The following ABCA13 variants were observed in gnomAD, a reference collection of about 807,000 sequenced individuals.
ABCA13 encodes ATP-binding cassette sub-family A member 13.
ABCA13 carries 476 observed loss-of-function variants against 478.7 expected under a neutral mutation model. The observed-to-expected ratio is 0.99, with a 90% confidence interval of 0.92 to 1.07. ABCA13 has a LOEUF of 1.07. ABCA13 is among the 50% of genes least tolerant of loss of function. The pLI is 0.00. For missense variants in ABCA13, 6,060 were observed against 5,910.6 expected (o/e 1.03, Z -0.83); for synonymous variants, 2,252 against 2,158.9 (o/e 1.04, Z -1.20).
rs183356080 is a variant in ABCA13 at position 48,274,931 on chromosome 7, G to A, written c.5265G>A (p.Arg1755=). The A allele has an allele frequency of 8.7e-6, 14 of 1,613,678 alleles. No homozygotes were observed. Among genetic ancestry groups the A allele is most frequent in the Non-Finnish European group, 1.2e-5 (14 of 1,179,760 alleles). Residue 1755 remains arginine, a synonymous_variant, in exon 17 of 62, where the codon AGG becomes AGA. Transcript: ENST00000435803. Reference sequence around the variant, plus strand: ...ACTATGTGCTTCCTCATGCTGTAAGGCTCCTGCAGGGAGTACCTGGTAAAA... The same window carrying A: ...ACTATGTGCTTCCTCATGCTGTAAGACTCCTGCAGGGAGTACCTGGTAAAA... ...DVYYVLPHAV[R]LLQGVPGKNI...
intron 47 of ABCA13, 140 bp downstream of exon 47, chr7:48,483,303 T>C: frequency 1.4e-6 from 1 of 698,542 alleles, no homozygotes; most frequent in South Asian, 2.4e-5. Flanking sequence ...GAAAATTATA[T>C]GTAAACATTG....
chr7:48,273,596 A>C lies in ABCA13; in HGVS notation c.3930A>C (p.Ser1310=), dbSNP rs1233071618. ...TAGATTCAATAAATGACTTTCTTTC[A>C]AATAATCTCACAAATTATGGAGAAA... ...RNLDSINDFL[S]NNLTNYGEKF... is the part of the protein sequence containing the mutation. Residue 1310 remains serine, a synonymous_variant, in exon 17 of 62, where the codon TCA becomes TCC. Transcript: ENST00000435803. 5.0e-6 allele frequency: 8 copies of C among 1,592,372 alleles called. No individual in the cohort carries two copies. The South Asian group carries it at 9.0e-5, about 18-fold the overall frequency.
At chr7:48,594,490 C>G (rs1790080367) in intron 57 of ABCA13, among the ~76,000 whole-genome samples, 1 of 151,956 alleles carries the variant, frequency 6.6e-6, no homozygotes, top group Non-Finnish European at 1.5e-5. Flanking sequence ...GGGTAGCATG[C>G]TGCATGGCTG....
At chr7:48,476,469 A>G (rs1047270875) in intron 45 of ABCA13, among the ~76,000 whole-genome samples, 3 of 151,856 alleles carry the variant, frequency 2.0e-5, no homozygotes, top group Non-Finnish European at 4.4e-5. Context: ...TGGAGGGAAC[A>G]CAGGGTTTTT....
intron 59 of ABCA13, among the ~76,000 whole-genome samples, chr7:48,628,743 A>G (rs1793894105): frequency 6.6e-6 from 1 of 152,218 alleles, no homozygotes; most frequent in Non-Finnish European, 1.5e-5. Flanking sequence ...ACCATTTGAA[A>G]TAGTGCCAGG....
intron 44 of ABCA13, among the ~76,000 whole-genome samples, chr7:48,470,536 C>CT (rs929774422): frequency 2.6e-5 from 4 of 152,302 alleles, no homozygotes; most frequent in South Asian, 4.1e-4. Flanking sequence ...CATGTAAACT[C>CT]TTAAGTTTCA....
At chr7:48,235,632 C>A (rs1251591001) in intron 8 of ABCA13, among the ~76,000 whole-genome samples, 3 of 152,164 alleles carry the variant, frequency 2.0e-5, no homozygotes, top group Non-Finnish European at 2.9e-5. Context: ...AAGGTGTCTG[C>A]AGGGCTGCAA....
chr7:48,613,004 T>C (rs1264007708), intron 58 of ABCA13, among the ~76,000 whole-genome samples: 2 of 152,182 alleles, frequency 1.3e-5, no homozygotes, highest in Non-Finnish European at 2.9e-5. Context: ...CAATTTGATT[T>C]AATGGTTTAT....
intron 23 of ABCA13, among the ~76,000 whole-genome samples, chr7:48,306,204 C>T (rs1034039549): frequency 6.6e-6 from 1 of 152,194 alleles, no homozygotes; most frequent in African/African-American, 2.4e-5. Flanking sequence ...TTCCACATGA[C>T]AGGGTGTGGG....
chr7:48,536,580 G>A lies in ABCA13; in HGVS notation c.14354+8235G>A, dbSNP rs892622533. Among the ~76,000 whole-genome samples, 190 of 151,968 alleles carry A rather than the reference G, an allele frequency of 1.3e-3. 1 individual carries two copies. Among genetic ancestry groups the A allele is most frequent in the African/African-American group, 4.4e-3 (181 of 41,422 alleles). ...GGAGAATCACGTCAACTCTGGAGGC[G>A]GAGGTTGCAGTGAGCCAAGATCACA... On this transcript the variant is annotated intron_variant, in intron 55 of 61. Coordinates refer to ENST00000435803, the MANE Select transcript of ABCA13 (RefSeq NM_152701.5).
At chr7:48,260,682 T>G (rs374991848) in intron 15 of ABCA13, among the ~76,000 whole-genome samples, 302 of 152,146 alleles carry the variant, frequency 2.0e-3, no homozygotes, top group African/African-American at 7.0e-3. Flanking sequence ...ATTAATATGG[T>G]AAAAACGTTA....
At chr7:48,195,997 T>C (rs1797876267) in intron 2 of ABCA13, among the ~76,000 whole-genome samples, 1 of 151,962 alleles carries the variant, frequency 6.6e-6, no homozygotes, top group Non-Finnish European at 1.5e-5. Context: ...AAACCAGGTG[T>C]ACTGTGCAGG....
chr7:48,531,470 T>C (rs1442600290), intron 55 of ABCA13, among the ~76,000 whole-genome samples: 3 of 152,152 alleles, frequency 2.0e-5, no homozygotes, highest in African/African-American at 7.2e-5. Flanking sequence ...GCTTTGGCTA[T>C]GTGGGCTTCT....
At chr7:48,598,635 T>A (rs1790546311) in intron 58 of ABCA13, among the ~76,000 whole-genome samples, 1 of 152,204 alleles carries the variant, frequency 6.6e-6, no homozygotes, top group Non-Finnish European at 1.5e-5. Context: ...AGTCTATGGC[T>A]GTCTTTCCAT....
chr7:48,485,321 A>G (rs2204649), intron 47 of ABCA13, among the ~76,000 whole-genome samples: 2 of 152,102 alleles, frequency 1.3e-5, no homozygotes, highest in African/African-American at 4.8e-5. Context: ...GTATGTTCCT[A>G]AAAGAAGATT....
chr7:48,372,158 T>C lies in ABCA13; in HGVS notation c.10804-10T>C. On this transcript the variant is annotated splice_polypyrimidine_tract_variant and intron_variant, in intron 32 of 61. Transcript: ENST00000435803. ...CTGTGGTAACCTTGGGTTTTTTCTC[T>C]TTTTGGTAGTATATGCGGATGATGG... 1 of 1,604,232 alleles carries C rather than the reference T, an allele frequency of 6.2e-7. No homozygotes were observed. Among genetic ancestry groups the C allele is most frequent in the East Asian group, 2.2e-5 (1 of 44,650 alleles).
intron 44 of ABCA13, among the ~76,000 whole-genome samples, chr7:48,467,530 T>C (rs1221171365): frequency 1.3e-5 from 2 of 152,200 alleles, no homozygotes; most frequent in Non-Finnish European, 2.9e-5. Context: ...ATCATGGTTA[T>C]TGTGATGATC....
intron 48 of ABCA13, among the ~76,000 whole-genome samples, chr7:48,491,662 A>T (rs1829852210): frequency 6.6e-6 from 1 of 152,212 alleles, no homozygotes; most frequent in African/African-American, 2.4e-5. Context: ...TTTGTGCAAT[A>T]AATTGGGAAT....
intron 55 of ABCA13, among the ~76,000 whole-genome samples, chr7:48,576,768 A>C (rs1382617367): frequency 2.6e-5 from 4 of 152,134 alleles, no homozygotes; most frequent in Non-Finnish European, 5.9e-5. Context: ...AACTAACACC[A>C]CTGAGACAGC....
Sources: allele counts gnomAD v4.1 joint callset (sites outside exome capture counted in the v4.1 genomes callset), GRCh38; gene constraint gnomAD v4.1.1; transcripts MANE v1.5; gene names NCBI Gene and HGNC (gene_info 2026-07-23, HGNC 2026-07-21).